DRAM1: variants seen among roughly 807,000 people sequenced by gnomAD.
DRAM1 encodes DNA damage-regulated autophagy modulator protein 1.
In DRAM1, 25 loss-of-function variants were observed where a neutral mutation model predicts 28.5. The ratio of observed to expected loss-of-function variants is 0.88; its 90% CI spans 0.64 to 1.23. The LOEUF (loss-of-function observed/expected upper bound fraction) is 1.23. DRAM1 is among the 50% of genes most tolerant of loss of function. DRAM1 has a pLI of 0.00. For missense variants in DRAM1, 249 were observed against 299.2 expected (o/e 0.83, Z 1.24); for synonymous variants, 113 against 114.2 (o/e 0.99, Z 0.07).
rs78402038 is a variant in DRAM1, at chr12:101,882,107, A to ATTT, written c.131+4214_131+4216dup. Among the ~76,000 whole-genome samples the ATTT allele has an allele frequency of 1.8e-3, 233 of 129,528 alleles. 1 individual carries two copies. Among genetic ancestry groups the ATTT allele is most frequent in the African/African-American group, 5.6e-3 (206 of 36,666 alleles). 85.0% of individuals were successfully genotyped at this position (129,528 alleles called of 152,430 possible). ...ATTGTTCAGTCATTCTGATGGTCTA[A>ATTT]TTTTTTTTTTTTTTTTTTTTTTTTT... On this transcript the variant is annotated intron_variant, in intron 1 of 6. Transcript: ENST00000258534.
intron 1 of DRAM1, among the ~76,000 whole-genome samples, chr12:101,895,186 G>GTTTGTTTTTTTTTTTTTTTT (rs1372490429): frequency 1.3e-5 from 1 of 75,720 alleles, no homozygotes; most frequent in African/African-American, 5.5e-5. Context: ...AACCCTTCAG[G>GTTTGTTTTTTTTTTTTTTTT]TTTTTTTTTT....
At position 101,877,889 on chromosome 12, in the gene DRAM1, G is replaced by C; in HGVS notation, c.100G>C (p.Gly34Arg). The change falls in exon 1 of 7, where the codon GGG (glycine) becomes CGG (arginine). Residue 34 changes from glycine to arginine, a missense_variant. Transcript: ENST00000258534. This position sits in a 1 kb window ranked among gnomAD's most constrained non-coding sequence, Gnocchi z 4.1. ...CTCCTACGTGGTCGCCGTGCTCTCC[G>C]GGCACGTCAACCCCTTCCTCCCGTA... ...IISYVVAVLS[G>R]HVNPFLPYIS... is the part of the protein sequence containing the mutation. The C allele has an allele frequency of 6.5e-7, 1 of 1,543,200 alleles. No individual in the cohort carries two copies. Among genetic ancestry groups the C allele is most frequent in the Non-Finnish European group, 8.8e-7 (1 of 1,142,134 alleles).
chr12:101,904,761 TTCTC>T (rs142180418), intron 3 of DRAM1, among the ~76,000 whole-genome samples: 1 of 151,710 alleles, frequency 6.6e-6, no homozygotes, highest in South Asian at 2.1e-4. Context: ...TATTAAACTA[TTCTC>T]TCTCTCTCTC....
At chr12:101,905,254 CTTAT>C (rs1004393159) in intron 3 of DRAM1, among the ~76,000 whole-genome samples, 1 of 152,094 alleles carries the variant, frequency 6.6e-6, no homozygotes, top group East Asian at 1.9e-4. Flanking sequence ...TGTTAGGAAT[CTTAT>C]TTATTTATTT....
intron 5 of DRAM1, among the ~76,000 whole-genome samples, chr12:101,916,008 C>G (rs1016480403): frequency 2.0e-5 from 3 of 152,192 alleles, no homozygotes; most frequent in African/African-American, 7.2e-5. Flanking sequence ...TAGGGGAAAT[C>G]TGATGGGTGT....
chr12:101,911,816 G>A (rs1299017704), intron 4 of DRAM1, among the ~76,000 whole-genome samples: 1 of 152,160 alleles, frequency 6.6e-6, no homozygotes, highest in East Asian at 1.9e-4. Context: ...TAAATAAGAT[G>A]TATGTTGTTT....
At chr12:101,884,383 A>AAAG (rs1872806365) in intron 1 of DRAM1, among the ~76,000 whole-genome samples, 1 of 151,290 alleles carries the variant, frequency 6.6e-6, no homozygotes, top group African/African-American at 2.4e-5. Flanking sequence ...AAAAAAAAAA[A>AAAG]AAAAAAAAGA....
chr12:101,917,788 T>G (rs1016861856), intron 5 of DRAM1, among the ~76,000 whole-genome samples: 2 of 152,216 alleles, frequency 1.3e-5, no homozygotes, highest in African/African-American at 4.8e-5. Flanking sequence ...GTTTTTTTCT[T>G]TCTTATATAT....
chr12:101,897,450 C>G (rs569207277), intron 1 of DRAM1, among the ~76,000 whole-genome samples: 241 of 151,664 alleles, frequency 1.6e-3, no homozygotes, highest in African/African-American at 5.7e-3. Flanking sequence ...ATCCTCCCAC[C>G]TCCACCTCCC....
At chr12:101,893,925 A>T (rs4764836) in intron 1 of DRAM1, among the ~76,000 whole-genome samples, 74,293 of 150,112 alleles carry the variant, frequency 0.49, 18,646 homozygotes, top group East Asian at 0.63. Context: ...TTTTTTTTTA[A>T]AATTAATTAA....
Position 101,921,248 on chromosome 12 carries a change from T to C in DRAM1, c.705T>C (p.Asn235=), listed in dbSNP as rs372311794. The C allele has an allele frequency of 5.4e-5, 87 of 1,606,634 alleles. No homozygotes were observed. The highest frequency in any genetic ancestry group is 7.2e-5 in the Non-Finnish European group (85 of 1,173,360). The change falls in exon 7 of 7, where the codon AAT becomes AAC. Residue 235 remains asparagine, a synonymous_variant. Transcript: ENST00000258534. ...SVTLRISTEI[N]GDI Reference sequence around the variant, plus strand: ...CCCTAAGGATATCCACAGAAATCAATGGTGATATTTGAAGAAAGAAGAATT... The same window carrying C: ...CCCTAAGGATATCCACAGAAATCAACGGTGATATTTGAAGAAAGAAGAATT...
At chr12:101,919,597 G>A (rs982547538) in intron 5 of DRAM1, among the ~76,000 whole-genome samples, 1 of 152,306 alleles carries the variant, frequency 6.6e-6, no homozygotes, top group Non-Finnish European at 1.5e-5. Flanking sequence ...GGGATGTTAA[G>A]CAGAACTATT....
At position 101,889,494 on chromosome 12, in the gene DRAM1, T is replaced by TAAGGAAGGAAAGG. The variant is rs903630300; in HGVS notation, c.132-8345_132-8333dup. Among the ~76,000 whole-genome samples, 228 of 149,618 alleles carry TAAGGAAGGAAAGG rather than the reference T, an allele frequency of 1.5e-3. 1 individual carries two copies. The highest frequency in any genetic ancestry group is 2.9e-3 in the South Asian group (14 of 4,754). On this transcript the variant is annotated intron_variant, in intron 1 of 6. Coordinates refer to ENST00000258534, the MANE Select transcript of DRAM1 (RefSeq NM_018370.3). Reference sequence around the variant, plus strand: ...GATGAGAAGAGAAGAAGGAAGGAAGTAAGGAAGGAAAGGAAGGAAGGAAAG... The same window carrying TAAGGAAGGAAAGG: ...GATGAGAAGAGAAGAAGGAAGGAAGTAAGGAAGGAAAGGAAGGAAGGAAAGGAAGGAAGGAAAG...
At chr12:101,910,809 A>G (rs1373209506) in intron 4 of DRAM1, among the ~76,000 whole-genome samples, 1 of 152,116 alleles carries the variant, frequency 6.6e-6, no homozygotes, top group Non-Finnish European at 1.5e-5. Context: ...AGTCATGCCA[A>G]CAGGAAGCAG....
intron 3 of DRAM1, among the ~76,000 whole-genome samples, chr12:101,904,439 T>TG: frequency 1.3e-5 from 1 of 77,466 alleles, no homozygotes; most frequent in Non-Finnish European, 2.3e-5. Context: ...TTTTTTTTTT[T>TG]TTTTTTTTTT....
intron 3 of DRAM1, 126 bp from the exon 4 acceptor site, chr12:101,908,060 C>T (rs752159611): frequency 3.0e-5 from 24 of 787,454 alleles, no homozygotes; most frequent in Non-Finnish European, 4.5e-5. Flanking sequence ...GTCAAACAGC[C>T]ACATTTTCCA....
chr12:101,909,593 A>C (rs1186673790), intron 4 of DRAM1, among the ~76,000 whole-genome samples: 1 of 152,164 alleles, frequency 6.6e-6, no homozygotes, highest in Non-Finnish European at 1.5e-5. Context: ...ATTTCTAAAA[A>C]GCTCTAGATC....
At chr12:101,890,935 G>C (rs1873101386) in intron 1 of DRAM1, among the ~76,000 whole-genome samples, 1 of 151,894 alleles carries the variant, frequency 6.6e-6, no homozygotes, top group South Asian at 2.1e-4. Context: ...ACTTTTAATA[G>C]AGACGGGGTT....
At position 101,877,689 on chromosome 12, in the gene DRAM1, C is replaced by T; in HGVS notation, c.-101C>T. 1 of 923,474 alleles carries T rather than the reference C, an allele frequency of 1.1e-6. No individual in the cohort carries two copies. The highest frequency in any genetic ancestry group is 4.5e-5 in the Admixed American group (1 of 22,074). 57.2% of individuals were successfully genotyped at this position (923,474 alleles called of 1,614,324 possible). The stretch of plus-strand genomic sequence containing the variant: ...GTCGCGGAGCCTCCCCTCCCACCGT[C>T]CGTGAGTGTACGCGCCCGGCCGCCG... On this transcript the variant is annotated 5_prime_UTR_variant, in exon 1 of 7. Coordinates refer to ENST00000258534, the MANE Select transcript of DRAM1 (RefSeq NM_018370.3). The surrounding 1 kb of genome is among the most constrained non-coding windows in gnomAD (Gnocchi z 4.1).
Sources: gnomAD v4.1 joint callset for allele counts (sites outside exome capture counted in the v4.1 genomes callset) on GRCh38, gnomAD v4.1.1 for gene constraint, Gnocchi (gnomAD v3.1) non-coding constraint, MANE v1.5 for transcripts, NCBI Gene and HGNC (gene_info 2026-07-23, HGNC 2026-07-21) for gene names.